The following OSTM1 variants were observed in gnomAD, a reference collection of about 807,000 sequenced individuals.
OSTM1 encodes the protein osteopetrosis-associated transmembrane protein 1.
OSTM1 carries 26 observed loss-of-function variants against 35.4 expected under a neutral mutation model. The ratio of observed to expected loss-of-function variants is 0.73; its 90% CI spans 0.54 to 1.02. The LOEUF (loss-of-function observed/expected upper bound fraction) is 1.02, where lower values mean the gene tolerates loss of function less well. Among genes scored for constraint, OSTM1 ranks in the 50% least tolerant of loss-of-function variants. The pLI, the probability that OSTM1 is intolerant of heterozygous loss-of-function variation, is 0.00. For synonymous variants in OSTM1, 181 were observed against 165.0 expected (o/e 1.10, Z -0.75); for missense variants, 366 against 409.6 (o/e 0.89, Z 0.92).
intron 2 of OSTM1, among the ~76,000 whole-genome samples, chr6:108,056,201 T>C (rs1167945032): frequency 6.6e-6 from 1 of 152,196 alleles, no homozygotes; most frequent in Admixed American, 6.5e-5. Context: ...ATTTGCCCAT[T>C]TAATTCTTGC....
At position 108,042,411 on chromosome 6, in the gene OSTM1, TTTC is replaced by T. The variant is rs1724844016; in HGVS notation, c.*2371_*2373del. ...ATTTAAGACAGACAGTACTTTCTTTTTTCTTTTTTTTTTTTTTTTTTTGAGACA... is the reference window on the plus strand; with the variant it reads ...ATTTAAGACAGACAGTACTTTCTTTTTTTTTTTTTTTTTTTTTTTGAGACA... On this transcript the variant is annotated 3_prime_UTR_variant, in exon 6 of 6. Coordinates refer to ENST00000193322, the MANE Select transcript of OSTM1 (RefSeq NM_014028.4). 1.6e-5 allele frequency: 2 copies of T among 126,242 alleles called. No homozygotes were observed. Among genetic ancestry groups the T allele is most frequent in the African/African-American group, 6.2e-5 (2 of 32,146 alleles). 7.8% of individuals were successfully genotyped at this position (126,242 alleles called of 1,614,324 possible).
At chr6:108,069,947 T>C (rs541533773) in intron 1 of OSTM1, among the ~76,000 whole-genome samples, 1 of 152,312 alleles carries the variant, frequency 6.6e-6, no homozygotes, top group Admixed American at 6.5e-5. Flanking sequence ...AATCAATCCA[T>C]GTCCATTCAC....
At chr6:108,060,842 T>C (rs1772259958) in intron 2 of OSTM1, 3 of 152,260 alleles carry the variant, frequency 2.0e-5, no homozygotes, top group Admixed American at 2.0e-4. Flanking sequence ...TAGTGAGTTA[T>C]CTCAATTAAT....
rs899051203 is a variant in OSTM1, at chr6:108,041,547, T to G, written c.*3238A>C. The G allele has an allele frequency of 6.6e-6, 1 of 152,202 alleles. No individual in the cohort carries two copies. The highest frequency in any genetic ancestry group is 1.5e-5 in the Non-Finnish European group (1 of 68,040). 9.4% of individuals were successfully genotyped at this position (152,202 alleles called of 1,614,324 possible). A position where few individuals can be genotyped will look rare whatever the true frequency, so the allele number is the denominator to read the frequency against. ...GGAAATTTAGTAGAGTTGTAACATT[T>G]TGGTGCTACATGTATAATTCAGCAT... On this transcript the variant is annotated 3_prime_UTR_variant, in exon 6 of 6. Transcript: ENST00000193322.
chr6:108,052,638 C>CA (rs1772097384), intron 3 of OSTM1, among the ~76,000 whole-genome samples: 3 of 151,518 alleles, frequency 2.0e-5, no homozygotes, highest in African/African-American at 7.3e-5. Flanking sequence ...CAGGTGCCAC[C>CA]ATACCTGGCC....
intron 2 of OSTM1, among the ~76,000 whole-genome samples, chr6:108,058,339 G>T (rs59632883): frequency 6.6e-6 from 1 of 152,148 alleles, no homozygotes; most frequent in East Asian, 1.9e-4. Context: ...CCAATTTAGG[G>T]TAAGCTTCAG....
chr6:108,074,138 C>T lies in OSTM1; in HGVS notation c.402+112G>A. ...ACCCAACTCTACAGACTCAGTCCAA[C>T]CCCTTTTTCTTACTGTTGGGGAAAC... On this transcript the variant is annotated intron_variant, in intron 1 of 5. Coordinates refer to ENST00000193322, the MANE Select transcript of OSTM1 (RefSeq NM_014028.4). 3 of 1,060,138 alleles carry T rather than the reference C, an allele frequency of 2.8e-6. No homozygotes were observed. The South Asian group carries it at 4.1e-5, about 15-fold the overall frequency. 65.7% of individuals were successfully genotyped at this position (1,060,138 alleles called of 1,614,324 possible).
At chr6:108,053,300 T>C (rs991604437) in intron 3 of OSTM1, among the ~76,000 whole-genome samples, 3 of 152,172 alleles carry the variant, frequency 2.0e-5, no homozygotes, top group East Asian at 1.9e-4. Flanking sequence ...TGGCCACAGG[T>C]AACTGAAACT....
chr6:108,074,667 C>T lies in OSTM1; in HGVS notation c.-16G>A. On this transcript the variant is annotated 5_prime_UTR_variant, in exon 1 of 6. In the 5' UTR this introduces an upstream ATG that the reference lacks. Coordinates refer to ENST00000193322, the MANE Select transcript of OSTM1 (RefSeq NM_014028.4). ...CCGGCTCCATCACCGGGCTCACACACCCCAGGGAGCCCACCGCCGCCTCTC... is the reference window on the plus strand; with the variant it reads ...CCGGCTCCATCACCGGGCTCACACATCCCAGGGAGCCCACCGCCGCCTCTC... 1 of 1,522,766 alleles carries T rather than the reference C, an allele frequency of 6.6e-7. No homozygotes were observed. Among genetic ancestry groups the T allele is most frequent in the East Asian group, 2.5e-5 (1 of 39,700 alleles). 94.3% of individuals were successfully genotyped at this position (1,522,766 alleles called of 1,614,324 possible).
chr6:108,074,273 C>G lies in OSTM1; in HGVS notation c.379G>C (p.Asp127His), dbSNP rs1772543086. Residue 127 changes from aspartate to histidine, a missense_variant, in exon 1 of 6, where the codon GAC becomes CAC. Asp to His is a moderately conservative substitution (Grantham distance 81). Coordinates refer to ENST00000193322, the MANE Select transcript of OSTM1 (RefSeq NM_014028.4). ...PLFQQVVSKM[D>H]NISRAAGNTS... The stretch of plus-strand genomic sequence containing the variant: ...ACCCCCGCGGCTCGGCTGATGTTGT[C>G]CATCTTGCTGACGACCTGTTGGAAG... The G allele has an allele frequency of 6.2e-7, 1 of 1,612,472 alleles. No homozygotes were observed. The highest frequency in any genetic ancestry group is 8.5e-7 in the Non-Finnish European group (1 of 1,179,970).
Position 108,041,709 on chromosome 6 carries a change from G to C in OSTM1, c.*3076C>G, listed in dbSNP as rs1771871407. 1 of 152,080 alleles carries C rather than the reference G, an allele frequency of 6.6e-6. No homozygotes were observed. Among genetic ancestry groups the C allele is most frequent in the South Asian group, 2.1e-4 (1 of 4,828 alleles). 9.4% of individuals were successfully genotyped at this position (152,080 alleles called of 1,614,324 possible). A position where few individuals can be genotyped will look rare whatever the true frequency, so the allele number is the denominator to read the frequency against. On this transcript the variant is annotated 3_prime_UTR_variant, in exon 6 of 6. Transcript: ENST00000193322. ...TCAAAGAATGACTGTTATAAATAAAGAGCTCTATGATGTTCCACTTATTTA... is the reference window on the plus strand; with the variant it reads ...TCAAAGAATGACTGTTATAAATAAACAGCTCTATGATGTTCCACTTATTTA...
At chr6:108,045,368 A>G (rs1463964681) in intron 5 of OSTM1, among the ~76,000 whole-genome samples, 3 of 152,098 alleles carry the variant, frequency 2.0e-5, no homozygotes, top group African/African-American at 4.8e-5. Flanking sequence ...GCTTGACATC[A>G]TGCCACTAAT....
chr6:108,064,805 C>T (rs529231961), intron 1 of OSTM1, among the ~76,000 whole-genome samples: 9 of 152,136 alleles, frequency 5.9e-5, no homozygotes, highest in African/African-American at 1.4e-4. Context: ...GAGAACCTCT[C>T]GCAGTTACAC....
Position 108,044,749 on chromosome 6 carries a change from A to G in OSTM1, c.*36T>C. On this transcript the variant is annotated 3_prime_UTR_variant, in exon 6 of 6. Coordinates refer to ENST00000193322, the MANE Select transcript of OSTM1 (RefSeq NM_014028.4). Reference sequence around the variant, plus strand: ...AACCAAGTTGTGTCTTCCACCATTCATTCACGTGATATGTCAATTCTCCAT... The same window carrying G: ...AACCAAGTTGTGTCTTCCACCATTCGTTCACGTGATATGTCAATTCTCCAT... 1 of 1,229,686 alleles carries G rather than the reference A, an allele frequency of 8.1e-7. No individual in the cohort carries two copies. The highest frequency in any genetic ancestry group is 1.2e-6 in the Non-Finnish European group (1 of 839,172). The allele number at this position is 1,229,686 out of a possible 1,614,324, so 76.2% of individuals were successfully genotyped here.
chr6:108,058,106 A>G (rs1455322878), intron 2 of OSTM1, among the ~76,000 whole-genome samples: 2 of 143,220 alleles, frequency 1.4e-5, no homozygotes, highest in Non-Finnish European at 3.0e-5. Flanking sequence ...GCTGGAGTGC[A>G]CTGGCATAAT....
intron 2 of OSTM1, among the ~76,000 whole-genome samples, chr6:108,061,368 G>T (rs950449709): frequency 1.3e-5 from 2 of 151,794 alleles, no homozygotes; most frequent in Admixed American, 1.3e-4. Flanking sequence ...TATTTCCAAG[G>T]CCCCTCCCTA....
Position 108,051,181 on chromosome 6 carries a change from A to G in OSTM1, c.633T>C (p.Leu211=), listed in dbSNP as rs2114593227. 1 of 1,612,736 alleles carries G rather than the reference A, an allele frequency of 6.2e-7. No individual in the cohort carries two copies. Among genetic ancestry groups the G allele is most frequent in the South Asian group, 1.1e-5 (1 of 91,062 alleles). ...EHNLQGNAHS[L]LQTKNYSEVC... is the part of the protein sequence containing the mutation. ...CTTCTGAATAATTTTTTGTCTGTAAAAGACTATGTGCATTCCCCTAAAATG... is the reference window on the plus strand; with the variant it reads ...CTTCTGAATAATTTTTTGTCTGTAAGAGACTATGTGCATTCCCCTAAAATG... The change falls in exon 4 of 6, where the codon CTT becomes CTC. Residue 211 remains leucine (L), a synonymous_variant. Transcript: ENST00000193322.
In OSTM1 at chr6:108,041,695, C is replaced by T. The variant is rs1771871167; in HGVS notation, c.*3090G>A. On this transcript the variant is annotated 3_prime_UTR_variant, in exon 6 of 6. Coordinates refer to ENST00000193322, the MANE Select transcript of OSTM1 (RefSeq NM_014028.4). ...TTAAGAGTTGACTATCAAAGAATGACTGTTATAAATAAAGAGCTCTATGAT... is the reference window on the plus strand; with the variant it reads ...TTAAGAGTTGACTATCAAAGAATGATTGTTATAAATAAAGAGCTCTATGAT... 2 of 152,092 alleles carry T rather than the reference C, an allele frequency of 1.3e-5. No individual in the cohort carries two copies. Among genetic ancestry groups the T allele is most frequent in the Admixed American group, 1.3e-4 (2 of 15,268 alleles). The allele number at this position is 152,092 out of a possible 1,614,324, so 9.4% of individuals were successfully genotyped here.
At chr6:108,052,511 CTT>C (rs35984071) in intron 3 of OSTM1, among the ~76,000 whole-genome samples, 20 of 108,080 alleles carry the variant, frequency 1.9e-4, no homozygotes, top group Non-Finnish European at 2.3e-4. Context: ...GTAATTTAAC[CTT>C]TTTTTTTTTT....
Sources: gnomAD v4.1 joint callset for allele counts (sites outside exome capture counted in the v4.1 genomes callset) on GRCh38, gnomAD v4.1.1 for gene constraint, MANE v1.5 for transcripts, NCBI Gene and HGNC (gene_info 2026-07-23, HGNC 2026-07-21) for gene names.